NRXN3: variants seen among roughly 807,000 people sequenced by gnomAD.
NRXN3 encodes the protein neurexin III.
A neutral mutation model predicts 137.6 loss-of-function variants in NRXN3; 32 were observed. The observed-to-expected ratio is 0.23, with a 90% CI of 0.18 to 0.31. NRXN3 has a LOEUF of 0.31. Among genes scored for constraint, NRXN3 ranks in the 10% least tolerant of loss-of-function variants. NRXN3 has a pLI of 1.00. For missense variants in NRXN3, 1,574 were observed against 2,062.5 expected, an observed-to-expected ratio of 0.76 and a Z score of 4.59; for synonymous variants, 798 against 784.5, an observed-to-expected ratio of 1.02 and a Z score of -0.29.
intron 15 of NRXN3, among the ~76,000 whole-genome samples, chr14:79,289,113 G>T (rs2082746349): frequency 6.6e-6 from 1 of 152,182 alleles, no homozygotes. Flanking sequence ...TCAACTAAGA[G>T]CATCCAGTTA....
chr14:79,073,028 AG>A (rs1474259910), intron 15 of NRXN3, among the ~76,000 whole-genome samples: 3 of 151,990 alleles, frequency 2.0e-5, no homozygotes, highest in African/African-American at 7.2e-5. Flanking sequence ...CTGGAATTAC[AG>A]GTGCCCACCA....
intron 15 of NRXN3, among the ~76,000 whole-genome samples, chr14:79,134,818 GCTTT>G (rs1443518190): frequency 6.6e-6 from 1 of 152,144 alleles, no homozygotes; most frequent in Non-Finnish European, 1.5e-5. Flanking sequence ...ACAAAATCTT[GCTTT>G]CTGTCTTTCC....
intron 15 of NRXN3, among the ~76,000 whole-genome samples, chr14:79,001,743 G>A (rs893070082): frequency 3.3e-5 from 5 of 152,178 alleles, no homozygotes; most frequent in South Asian, 2.1e-4. Context: ...GAGAGTAAAA[G>A]GTCAGTTCAA....
intron 4 of NRXN3, among the ~76,000 whole-genome samples, chr14:78,470,611 T>C (rs1252191679): frequency 1.3e-5 from 2 of 151,938 alleles, no homozygotes; most frequent in Admixed American, 6.6e-5. Flanking sequence ...TCATCTGACA[T>C]TAAGATATAA....
At chr14:79,338,098 C>T (rs1025195682) in intron 15 of NRXN3, among the ~76,000 whole-genome samples, 2 of 152,068 alleles carry the variant, frequency 1.3e-5, no homozygotes, top group African/African-American at 4.8e-5. Flanking sequence ...TTGGCGGTGA[C>T]ATCACTCTAT....
chr14:78,502,141 T>C (rs368692), intron 4 of NRXN3, among the ~76,000 whole-genome samples: 80,532 of 151,884 alleles, frequency 0.53, 21,679 homozygotes, highest in Middle Eastern at 0.71. Context: ...CACAGAAATA[T>C]CTGCCGTGTT....
Position 78,934,457 on chromosome 14 carries a change from C to A in NRXN3, c.2276-22785C>A, listed in dbSNP as rs138655036. 5.2e-3 allele frequency among the ~76,000 whole-genome samples: 784 copies of A among 152,226 alleles called. 5 individuals carry two copies. Among genetic ancestry groups the A allele is most frequent in the African/African-American group, 0.018 (751 of 41,530 alleles). On this transcript the variant is annotated intron_variant, in intron 10 of 20. Transcript: ENST00000335750. The stretch of plus-strand genomic sequence containing the variant: ...ATGATGCTCTAAAGCATTTTCAGAT[C>A]TCCTCTATGGGCCCAGCAAGAGTGC...
chr14:79,222,820 A>T (rs2153233670), intron 15 of NRXN3, among the ~76,000 whole-genome samples: 1 of 152,054 alleles, frequency 6.6e-6, no homozygotes, highest in East Asian at 1.9e-4. Context: ...CATCTGTATT[A>T]CTTTTTGGGT....
chr14:79,711,535 G>A (rs2098804303), intron 19 of NRXN3, among the ~76,000 whole-genome samples: 1 of 151,464 alleles, frequency 6.6e-6, no homozygotes, highest in Non-Finnish European at 1.5e-5. Context: ...TCCCAGGTTG[G>A]TCTCAAACTC....
intron 14 of NRXN3, among the ~76,000 whole-genome samples, chr14:78,977,171 G>A (rs1357134770): frequency 2.0e-5 from 3 of 152,056 alleles, no homozygotes; most frequent in Non-Finnish European, 4.4e-5. Flanking sequence ...ATGACCTTTC[G>A]CCTATTATGC....
At chr14:78,904,731 C>G (rs1164043970) in intron 10 of NRXN3, among the ~76,000 whole-genome samples, 1 of 151,912 alleles carries the variant, frequency 6.6e-6, no homozygotes, top group Non-Finnish European at 1.5e-5. Flanking sequence ...ATCCTAGATA[C>G]TGTTATTCTT....
intron 16 of NRXN3, among the ~76,000 whole-genome samples, chr14:79,610,133 T>C (rs1359135794): frequency 6.6e-6 from 1 of 152,094 alleles, no homozygotes; most frequent in Admixed American, 6.6e-5. Flanking sequence ...GTGTCACATA[T>C]AGTATAATAA....
intron 10 of NRXN3, among the ~76,000 whole-genome samples, chr14:78,813,827 G>A (rs891488120): frequency 2.6e-5 from 4 of 151,942 alleles, no homozygotes; most frequent in Non-Finnish European, 4.4e-5. Flanking sequence ...TGATCTTGAG[G>A]GGAAAAAAAG....
At chr14:79,576,856 T>G (rs2097669493) in intron 16 of NRXN3, among the ~76,000 whole-genome samples, 1 of 152,222 alleles carries the variant, frequency 6.6e-6, no homozygotes, top group Non-Finnish European at 1.5e-5. Flanking sequence ...TTATCAATAT[T>G]TCTTAAATCT....
chr14:78,203,830 GTGTGTGTGGTT>G (rs754813848), intron 1 of NRXN3, among the ~76,000 whole-genome samples: 873 of 78,444 alleles, frequency 0.011, 3 homozygotes, highest in Middle Eastern at 0.039. Flanking sequence ...GTGTGTGTGT[GTGTGTGTGGTT>G]TGTGTGTGTG....
chr14:78,442,135 G>T (rs2094277568), intron 4 of NRXN3, among the ~76,000 whole-genome samples: 2 of 151,526 alleles, frequency 1.3e-5, no homozygotes, highest in Admixed American at 1.3e-4. Context: ...TGATTGTGGT[G>T]GTGCATGACT....
chr14:79,676,893 A>G (rs539718540), intron 17 of NRXN3, among the ~76,000 whole-genome samples: 9 of 152,096 alleles, frequency 5.9e-5, no homozygotes, highest in African/African-American at 9.7e-5. Flanking sequence ...CTATAGTGCA[A>G]GAAAAGTGGT....
intron 10 of NRXN3, among the ~76,000 whole-genome samples, chr14:78,880,864 T>A (rs1265028281): frequency 6.6e-6 from 1 of 152,106 alleles, no homozygotes; most frequent in East Asian, 1.9e-4. Flanking sequence ...CCATTTCAAA[T>A]GAGCTGATAA....
intron 10 of NRXN3, among the ~76,000 whole-genome samples, chr14:78,935,676 C>T (rs1303982482): frequency 6.6e-6 from 1 of 152,148 alleles, no homozygotes; most frequent in East Asian, 1.9e-4. Context: ...GATGTGGACC[C>T]CTCAGATATG....
Sources: gnomAD v4.1 joint callset for allele counts (sites outside exome capture counted in the v4.1 genomes callset) on GRCh38, gnomAD v4.1.1 for gene constraint, MANE v1.5 for transcripts, NCBI Gene and HGNC (gene_info 2026-07-23, HGNC 2026-07-21) for gene names.